PDE1C: variants seen among roughly 807,000 people sequenced by gnomAD.
The protein encoded by PDE1C is phosphodiesterase 1C, also known as dual specificity calcium/calmodulin-dependent 3',5'-cyclic nucleotide phosphodiesterase 1C.
PDE1C carries 62 observed loss-of-function variants against 93.1 expected under a neutral mutation model. The ratio of observed to expected loss-of-function variants is 0.67; its 90% CI spans 0.54 to 0.82. The LOEUF is 0.82. Ranked by LOEUF, PDE1C falls within the 40% of genes least tolerant of loss-of-function variation. The pLI is 0.00. For missense variants in PDE1C, 742 were observed against 884.6 expected (o/e 0.84, Z 2.04); for synonymous variants, 325 against 310.1 (o/e 1.05, Z -0.50).
intron 3 of PDE1C, among the ~76,000 whole-genome samples, chr7:32,119,434 C>T (rs151322852): frequency 3.9e-5 from 6 of 152,308 alleles, no homozygotes; most frequent in African/African-American, 1.4e-4. Context: ...AACTAAATTA[C>T]AGCAAGGCTG....
At chr7:31,783,575 T>C (rs965113065) in intron 16 of PDE1C, 1 of 151,902 alleles carries the variant, frequency 6.6e-6, no homozygotes, top group Admixed American at 6.6e-5. Flanking sequence ...AACATACAAG[T>C]ACTTATGCAT....
At chr7:32,297,135 C>G (rs73089940) in intron 1 of PDE1C, among the ~76,000 whole-genome samples, 3,489 of 152,166 alleles carry the variant, frequency 0.023, 116 homozygotes, top group South Asian at 0.17. Context: ...ACAGCCTAGG[C>G]AAAGGCTCAG....
intron 3 of PDE1C, among the ~76,000 whole-genome samples, chr7:32,161,885 G>A (rs919604073): frequency 6.6e-6 from 1 of 152,122 alleles, no homozygotes; most frequent in South Asian, 2.1e-4. Context: ...TATGCTGAGG[G>A]GTTGAGGACA....
rs201079568 is a variant in PDE1C at position 32,051,562 on chromosome 7, C to T, written c.120G>A (p.Thr40=). The change falls in exon 2 of 18, where the codon ACG becomes ACA. Residue 40 remains threonine, a synonymous_variant. Coordinates refer to ENST00000396191, the MANE Select transcript of PDE1C (RefSeq NM_001191057.4). The part of the protein sequence containing the change: ...RLRGLRKYKK[T]SQRLRSLVKQ... The stretch of plus-strand genomic sequence containing the variant: ...CAGAAAGACGTTCTTACCTCTGGGA[C>T]GTTTTCTTATATTTCCTCCTGTAAG... 7.4e-5 allele frequency: 119 copies of T among 1,613,592 alleles called. No homozygotes were observed. Among genetic ancestry groups the T allele is most frequent in the East Asian group, 2.2e-4 (10 of 44,888 alleles).
At chr7:31,753,600 G>A (rs750876893) in intron 17 of PDE1C, 47 bp from the exon 18 acceptor site, 8 of 1,571,390 alleles carry the variant, frequency 5.1e-6, no homozygotes, top group Admixed American at 3.6e-5. Context: ...CCTCACCCAC[G>A]ACATGCCACA....
chr7:32,029,922 A>T (rs1790066820), intron 2 of PDE1C, among the ~76,000 whole-genome samples: 1 of 152,114 alleles, frequency 6.6e-6, no homozygotes, highest in Admixed American at 6.6e-5. Flanking sequence ...AACTCGAAAC[A>T]ACTTAAGTGC....
At chr7:32,203,309 G>C (rs1407736786) in intron 2 of PDE1C, among the ~76,000 whole-genome samples, 1 of 152,012 alleles carries the variant, frequency 6.6e-6, no homozygotes, top group Non-Finnish European at 1.5e-5. Flanking sequence ...AACTGATCTA[G>C]TAAAGTTCCC....
chr7:32,009,785 C>T (rs1452940574), intron 2 of PDE1C, among the ~76,000 whole-genome samples: 1 of 152,148 alleles, frequency 6.6e-6, no homozygotes, highest in African/African-American at 2.4e-5. Context: ...ATGTAGAAAA[C>T]CTCATGGAAT....
intron 3 of PDE1C, among the ~76,000 whole-genome samples, chr7:32,165,325 C>T (rs1802172463): frequency 6.6e-6 from 1 of 152,176 alleles, no homozygotes; most frequent in East Asian, 1.9e-4. Flanking sequence ...AAATCCTCTC[C>T]AAACCCCAGG....
chr7:31,795,309 T>C (rs1204756289), intron 16 of PDE1C, among the ~76,000 whole-genome samples: 1 of 151,934 alleles, frequency 6.6e-6, no homozygotes, highest in Non-Finnish European at 1.5e-5. Flanking sequence ...TTGTTACTTG[T>C]GTTTCTCCAA....
At chr7:31,999,951 G>A (rs929085581) in intron 2 of PDE1C, among the ~76,000 whole-genome samples, 1 of 152,136 alleles carries the variant, frequency 6.6e-6, no homozygotes, top group Non-Finnish European at 1.5e-5. Flanking sequence ...GCAGAGGCAG[G>A]GAGTTAGGGG....
chr7:32,094,917 C>T (rs892824371), intron 3 of PDE1C, among the ~76,000 whole-genome samples: 4 of 152,190 alleles, frequency 2.6e-5, no homozygotes, highest in African/African-American at 4.8e-5. Context: ...TTAGCATGAG[C>T]AGCTCCTTCA....
chr7:32,259,559 T>TG (rs35135774), intron 1 of PDE1C, among the ~76,000 whole-genome samples: 8 of 152,168 alleles, frequency 5.3e-5, no homozygotes, highest in African/African-American at 1.9e-4. Context: ...GAGGCATTCC[T>TG]GGGACTCTAA....
intron 14 of PDE1C, 62 bp downstream of exon 14, chr7:31,823,011 A>G: frequency 7.3e-7 from 1 of 1,375,688 alleles, no homozygotes; most frequent in South Asian, 1.5e-5. Context: ...TAACACACAT[A>G]ACTCAGAGAG....
intron 2 of PDE1C, among the ~76,000 whole-genome samples, chr7:32,001,236 A>G (rs994990854): frequency 1.3e-5 from 2 of 152,238 alleles, no homozygotes; most frequent in Admixed American, 6.5e-5. Context: ...CTTTTCACTT[A>G]CTGCACTTTT....
At chr7:32,325,361 G>A (rs917175321) in intron 1 of PDE1C, among the ~76,000 whole-genome samples, 1 of 146,928 alleles carries the variant, frequency 6.8e-6, no homozygotes, top group Non-Finnish European at 1.5e-5. Flanking sequence ...CAAGGCCACT[G>A]CCTGAAGATC....
intron 3 of PDE1C, among the ~76,000 whole-genome samples, chr7:32,097,882 G>A (rs927457087): frequency 1.3e-5 from 2 of 152,124 alleles, no homozygotes; most frequent in Admixed American, 6.5e-5. Context: ...ACAAGATAAG[G>A]AAAGGTGCTA....
the PDE1C span, among the ~76,000 whole-genome samples, chr7:31,658,022 A>G: frequency 6.6e-6 from 1 of 152,300 alleles, no homozygotes; most frequent in East Asian, 1.9e-4. Context: ...TGAATAGGTA[A>G]GATCAATTTG....
intron 1 of PDE1C, among the ~76,000 whole-genome samples, chr7:32,359,598 TC>T (rs2128084918): frequency 6.6e-6 from 1 of 152,370 alleles, no homozygotes; most frequent in East Asian, 1.9e-4. Flanking sequence ...CACGCATGAA[TC>T]CAGCTCCAAA....
Sources: allele counts gnomAD v4.1 joint callset (sites outside exome capture counted in the v4.1 genomes callset), GRCh38; gene constraint gnomAD v4.1.1; transcripts MANE v1.5; gene names NCBI Gene and HGNC (gene_info 2026-07-23, HGNC 2026-07-21).